ITGA9: variants seen among roughly 807,000 people sequenced by gnomAD.
ITGA9 encodes integrin subunit alpha 9.
ITGA9 carries 56 observed loss-of-function variants against 127.8 expected under a neutral mutation model. That is an observed-to-expected ratio of 0.44 (90% confidence interval 0.35 to 0.55). ITGA9 has a LOEUF of 0.55. ITGA9 is among the 20% of genes least tolerant of loss of function. ITGA9 has a pLI of 0.00. For synonymous variants in ITGA9, 508 were observed against 514.5 expected, an observed-to-expected ratio of 0.99 and a Z score of 0.17; for missense variants, 1,196 against 1,347.1, an observed-to-expected ratio of 0.89 and a Z score of 1.76.
At chr3:37,642,999 G>C (rs114773998) in intron 16 of ITGA9, among the ~76,000 whole-genome samples, 4,580 of 152,264 alleles carry the variant, frequency 0.03, 92 homozygotes, top group Non-Finnish European at 0.045. Context: ...ATATTTAAAC[G>C]TCTCTGCAGA....
At chr3:37,675,241 T>G (rs1453591312) in intron 17 of ITGA9, among the ~76,000 whole-genome samples, 1 of 152,142 alleles carries the variant, frequency 6.6e-6, no homozygotes. Flanking sequence ...GACACGTAAA[T>G]ATTCCCTCAT....
intron 15 of ITGA9, among the ~76,000 whole-genome samples, chr3:37,589,404 G>A (rs1225461270): frequency 2.6e-5 from 4 of 152,192 alleles, no homozygotes; most frequent in Non-Finnish European, 5.9e-5. Context: ...CCATAGTGGA[G>A]CTAACATCCT....
rs1698994614 is a variant in ITGA9, at chr3:37,517,438, A to C, written c.1036-66A>C. 22 of 1,262,644 alleles carry C rather than the reference A, an allele frequency of 1.7e-5. No homozygotes were observed. The South Asian group carries it at 2.8e-4, about 16-fold the overall frequency. 78.2% of individuals were successfully genotyped at this position (1,262,644 alleles called of 1,614,324 possible). A position where few individuals can be genotyped will look rare whatever the true frequency, so the allele number is the denominator to read the frequency against. On this transcript the variant is annotated intron_variant, in intron 9 of 27. Coordinates refer to ENST00000264741, the MANE Select transcript of ITGA9 (RefSeq NM_002207.3). ...GCATTCAAACTCTGGTTTTTTATTG[A>C]TTTTTATTGTTTGTTCTGTTTGTTT...
chr3:37,819,042 G>C lies in ITGA9; in HGVS notation c.*53G>C. 1 of 1,285,330 alleles carries C rather than the reference G, an allele frequency of 7.8e-7. No individual in the cohort carries two copies. Among genetic ancestry groups the C allele is most frequent in the Non-Finnish European group, 1.1e-6 (1 of 881,288 alleles). The allele number at this position is 1,285,330 out of a possible 1,614,324, so 79.6% of individuals were successfully genotyped here. ...CACTAGCCTGTCATCCTTGGTCTTTGTATCTTCCATATTTGGAAGAAAAAA... is the reference window on the plus strand; with the variant it reads ...CACTAGCCTGTCATCCTTGGTCTTTCTATCTTCCATATTTGGAAGAAAAAA... On this transcript the variant is annotated 3_prime_UTR_variant, in exon 28 of 28. Coordinates refer to ENST00000264741, the MANE Select transcript of ITGA9 (RefSeq NM_002207.3).
Position 37,525,416 on chromosome 3 carries a change from C to G in ITGA9, c.1328-610C>G, listed in dbSNP as rs530284132. Among the ~76,000 whole-genome samples, 3 of 152,094 alleles carry G rather than the reference C, an allele frequency of 2.0e-5. No individual in the cohort carries two copies. The South Asian group carries it at 6.2e-4, about 32-fold the overall frequency. ...ATATTATCAGCTTTTGAAGAAGGCC[C>G]TGGGGATAATTATCTTCATTTTACA... On this transcript the variant is annotated intron_variant, in intron 12 of 27. Coordinates refer to ENST00000264741, the MANE Select transcript of ITGA9 (RefSeq NM_002207.3).
chr3:37,801,927 A>G (rs889190090), intron 26 of ITGA9, among the ~76,000 whole-genome samples: 30 of 152,178 alleles, frequency 2.0e-4, no homozygotes, highest in South Asian at 6.2e-4. Flanking sequence ...AATGGAGGCA[A>G]TGAAGTAGAG....
chr3:37,520,936 G>A (rs1006095269), intron 11 of ITGA9, among the ~76,000 whole-genome samples: 2 of 152,154 alleles, frequency 1.3e-5, no homozygotes, highest in African/African-American at 2.4e-5. Flanking sequence ...CCCCTCCTCC[G>A]GGGCCCTCCC....
chr3:37,796,631 C>T (rs1329168018), intron 26 of ITGA9, among the ~76,000 whole-genome samples: 11 of 152,168 alleles, frequency 7.2e-5, no homozygotes, highest in Admixed American at 1.3e-4. Context: ...AAAGATATAA[C>T]ATTTGCAAAT....
intron 12 of ITGA9, 84 bp from the exon 13 acceptor site, chr3:37,525,942 T>C (rs1699088593): frequency 5.4e-6 from 6 of 1,121,480 alleles, no homozygotes; most frequent in Non-Finnish European, 6.8e-6. Flanking sequence ...AGGCTGGGTC[T>C]CCATCCTTGT....
rs1700280193 is a variant in ITGA9, at chr3:37,636,483, GT to G, written c.1839+7154del. On this transcript the variant is annotated intron_variant, in intron 16 of 27. Transcript: ENST00000264741. ...CACCCACTTTTTGATGGGGTTGTTTGTTTTTTTCTTGTAAATTTGTTTGAGT... is the reference window on the plus strand; with the variant it reads ...CACCCACTTTTTGATGGGGTTGTTTGTTTTTTCTTGTAAATTTGTTTGAGT... Among the ~76,000 whole-genome samples the G allele has an allele frequency of 2.0e-5, 3 of 152,150 alleles. No individual in the cohort carries two copies. The South Asian group carries it at 6.2e-4, about 32-fold the overall frequency.
intron 15 of ITGA9, among the ~76,000 whole-genome samples, chr3:37,619,751 G>T (rs1357004238): frequency 6.6e-6 from 1 of 152,230 alleles, no homozygotes; most frequent in Non-Finnish European, 1.5e-5. Flanking sequence ...GCGGCTTGGG[G>T]TCTTGCTCCA....
At chr3:37,735,392 G>A (rs1399394838) in intron 19 of ITGA9, among the ~76,000 whole-genome samples, 2 of 152,022 alleles carry the variant, frequency 1.3e-5, no homozygotes, top group Non-Finnish European at 2.9e-5. Flanking sequence ...AGAAAGAGAT[G>A]TCCATGTTCA....
rs2125618903 is a variant in ITGA9 at position 37,597,835 on chromosome 3, A to G, written c.1690-31352A>G. Among the ~76,000 whole-genome samples the G allele has an allele frequency of 6.6e-6, 1 of 152,300 alleles. No individual in the cohort carries two copies. The highest frequency in any genetic ancestry group is 1.5e-5 in the Non-Finnish European group (1 of 68,028). On this transcript the variant is annotated intron_variant, in intron 15 of 27. Transcript: ENST00000264741. The surrounding 1 kb of genome is among the most constrained non-coding windows in gnomAD (Gnocchi z 4.6). ...TTGTTCATATAGCTAGGGGTCAGCT[A>G]GCTGTTGGTTATCTAGACTGGCATT...
intron 25 of ITGA9, among the ~76,000 whole-genome samples, chr3:37,783,562 C>T (rs1327986535): frequency 6.6e-6 from 1 of 151,970 alleles, no homozygotes; most frequent in Non-Finnish European, 1.5e-5. Flanking sequence ...GACTTGACCT[C>T]CTAGCCTCAA....
rs140026919 is a variant in ITGA9, at chr3:37,645,423, C to T, written c.1840-8291C>T. 9.3e-3 allele frequency among the ~76,000 whole-genome samples: 1,418 copies of T among 152,202 alleles called. 24 individuals carry two copies. Among genetic ancestry groups the T allele is most frequent in the African/African-American group, 0.031 (1,307 of 41,512 alleles). On this transcript the variant is annotated intron_variant, in intron 16 of 27. Transcript: ENST00000264741. ...TCTCTACTAAAAACACAAAAATTAG[C>T]GGGGCATGGTGGTACGTGCCTGTAA...
At chr3:37,474,594 C>A (rs1247337755) in intron 3 of ITGA9, among the ~76,000 whole-genome samples, 1 of 152,204 alleles carries the variant, frequency 6.6e-6, no homozygotes, top group African/African-American at 2.4e-5. Flanking sequence ...TCCGGAAGAA[C>A]CCCTGCACCC....
intron 15 of ITGA9, among the ~76,000 whole-genome samples, chr3:37,580,566 C>G (rs1699700355): frequency 6.6e-6 from 1 of 152,238 alleles, no homozygotes; most frequent in Admixed American, 6.5e-5. Flanking sequence ...TGGCCCACAG[C>G]AGATGGAAGT....
chr3:37,790,626 C>G, intron 26 of ITGA9: 1 of 218,172 alleles, frequency 4.6e-6, no homozygotes, highest in Admixed American at 5.3e-5. Flanking sequence ...GCCATAGATT[C>G]TTGAGGCTTT....
chr3:37,453,115 G>C (rs1343692188), intron 1 of ITGA9, among the ~76,000 whole-genome samples: 6 of 142,090 alleles, frequency 4.2e-5, no homozygotes, highest in Admixed American at 2.9e-4. Flanking sequence ...GAGCCCCGGC[G>C]CCCCCCCCCC....
Sources: allele counts gnomAD v4.1 joint callset (sites outside exome capture counted in the v4.1 genomes callset), GRCh38; gene constraint gnomAD v4.1.1; non-coding constraint Gnocchi (gnomAD v3.1); transcripts MANE v1.5; gene names NCBI Gene and HGNC (gene_info 2026-07-23, HGNC 2026-07-21).